The following FRMPD1 variants were observed in gnomAD, a reference collection of about 807,000 sequenced individuals.
FRMPD1 encodes FERM and PDZ domain containing 1, also known as FERM and PDZ domain-containing protein 1.
In FRMPD1, 76 loss-of-function variants were observed where a neutral mutation model predicts 117.8. That is an observed-to-expected ratio of 0.65 (90% CI 0.54 to 0.78). FRMPD1 has a LOEUF of 0.78. Ranked by LOEUF, FRMPD1 falls within the 30% of genes least tolerant of loss-of-function variation. The probability of loss-of-function intolerance (pLI) is 0.00; values close to 1 mark genes in which losing one functional copy is unlikely to be tolerated. For missense variants in FRMPD1, 1,786 were observed against 1,964.5 expected (o/e 0.91, Z 1.72); for synonymous variants, 783 against 770.4 (o/e 1.02, Z -0.27).
At chr9:37,619,159 G>A in the FRMPD1 span, among the ~76,000 whole-genome samples, 5 of 152,122 alleles carry the variant, frequency 3.3e-5, no homozygotes, top group African/African-American at 9.7e-5. Flanking sequence ...GTTGGAGTGC[G>A]GATGAAATTT....
chr9:37,621,496 G>T, the FRMPD1 span, among the ~76,000 whole-genome samples: 33 of 152,298 alleles, frequency 2.2e-4, 1 homozygote, highest in African/African-American at 7.7e-4. Context: ...TAAGGAAGGG[G>T]TGTGTGGGTG....
chr9:37,654,678 G>A (rs950600273), intron 1 of FRMPD1, among the ~76,000 whole-genome samples: 1 of 152,230 alleles, frequency 6.6e-6, no homozygotes, highest in African/African-American at 2.4e-5. Flanking sequence ...GGAGGAAACT[G>A]TTCCAGGCTG....
In FRMPD1 at chr9:37,740,794, C is replaced by T. The variant is rs1201244335; in HGVS notation, c.2266C>T (p.Leu756=). ...CAGTTCCATGCTGGAACCCCTGGCC[C>T]TGCACCCACCACTGGCCTTTGAGGA... is the stretch of plus-strand genomic sequence containing the variant. ...QPSSMLEPLA[L]HPPLAFEDGS... Residue 756 remains leucine (L), a synonymous_variant, in exon 15 of 16, where the codon CTG becomes TTG. Transcript: ENST00000377765. This position sits in a 1 kb window ranked among gnomAD's most constrained non-coding sequence, Gnocchi z 4.2. 2 of 1,614,164 alleles carry T rather than the reference C, an allele frequency of 1.2e-6. No individual in the cohort carries two copies. Among genetic ancestry groups the T allele is most frequent in the South Asian group, 2.2e-5 (2 of 91,084 alleles).
Position 37,740,605 on chromosome 9 carries a change from A to G in FRMPD1, c.2077A>G (p.Arg693Gly), listed in dbSNP as rs1824350927. The G allele has an allele frequency of 2.5e-6, 4 of 1,614,080 alleles. No individual in the cohort carries two copies. The highest frequency in any genetic ancestry group is 3.4e-6 in the Non-Finnish European group (4 of 1,180,020). Residue 693 changes from arginine to glycine, a missense_variant, in exon 15 of 16, where the codon AGG becomes GGG. Physicochemically the swap from Arg to Gly is moderately radical, Grantham distance 125. Transcript: ENST00000377765. The surrounding 1 kb of genome is among the most constrained non-coding windows in gnomAD (Gnocchi z 4.2). ...FGWAPELSTV[R>G]LDPRLYEGSH... ...CTGGGCACCAGAACTGAGCACAGTC[A>G]GGCTGGACCCCAGGCTGTATGAAGG...
intron 1 of FRMPD1, among the ~76,000 whole-genome samples, chr9:37,680,615 G>A (rs951773773): frequency 1.3e-5 from 2 of 152,250 alleles, no homozygotes; most frequent in Non-Finnish European, 2.9e-5. Context: ...GGGGTCCAGG[G>A]TGCTTTCCCA....
intron 1 of FRMPD1, among the ~76,000 whole-genome samples, chr9:37,669,575 T>C (rs948630759): frequency 6.6e-6 from 1 of 152,204 alleles, no homozygotes; most frequent in African/African-American, 2.4e-5. Context: ...GAGTTTTCTT[T>C]ACCGAAGAGA....
At chr9:37,725,956 G>A (rs540361215) in intron 7 of FRMPD1, among the ~76,000 whole-genome samples, 2 of 152,312 alleles carry the variant, frequency 1.3e-5, no homozygotes, top group African/African-American at 4.8e-5. Flanking sequence ...AAAGTGGATT[G>A]GAATAGAAGG....
At chr9:37,708,343 C>T (rs1183577685) in intron 3 of FRMPD1, 56 bp from the exon 4 acceptor site, 1 of 1,058,954 alleles carries the variant, frequency 9.4e-7, no homozygotes, top group Non-Finnish European at 1.5e-6. Flanking sequence ...CGCTATTACA[C>T]ATAGAGTCTG....
intron 2 of FRMPD1, among the ~76,000 whole-genome samples, chr9:37,695,849 T>C (rs1025718871): frequency 6.6e-6 from 1 of 152,136 alleles, no homozygotes; most frequent in Non-Finnish European, 1.5e-5. Context: ...GATTCTCTAC[T>C]CTGCAGCTAT....
chr9:37,623,250 A>G, the FRMPD1 span, among the ~76,000 whole-genome samples: 6 of 152,204 alleles, frequency 3.9e-5, no homozygotes, highest in African/African-American at 1.4e-4. Context: ...GGGTACCACC[A>G]TGAACGAGAC....
At chr9:37,685,606 CTT>C (rs1821907796) in intron 1 of FRMPD1, among the ~76,000 whole-genome samples, 3 of 151,926 alleles carry the variant, frequency 2.0e-5, no homozygotes, top group Non-Finnish European at 1.5e-5. Context: ...GAGCCGAGAT[CTT>C]GCCACTGCAC....
At chr9:37,710,890 G>A (rs1308721610) in intron 4 of FRMPD1, among the ~76,000 whole-genome samples, 3 of 151,226 alleles carry the variant, frequency 2.0e-5, no homozygotes, top group South Asian at 2.1e-4. Context: ...CCCGGGAGGC[G>A]GAGGTTGCAG....
In FRMPD1 at chr9:37,732,321, C is replaced by T. The variant is rs374153922; in HGVS notation, c.876C>T (p.Leu292=). 5.0e-5 allele frequency: 80 copies of T among 1,613,594 alleles called. No homozygotes were observed. Among genetic ancestry groups the T allele is most frequent in the Non-Finnish European group, 6.3e-5 (74 of 1,179,994 alleles). ...YLYLQSCSDV[L]QERFAVEMKC... ...TCTTCTAGAGCTGCAGCGATGTGCT[C>T]CAGGAGCGCTTTGCTGTAGAAATGA... Residue 292 remains leucine (L), a synonymous_variant, in exon 10 of 16, where the codon CTC becomes CTT. Transcript: ENST00000377765.
the FRMPD1 span, among the ~76,000 whole-genome samples, chr9:37,640,725 A>G: frequency 6.6e-6 from 1 of 152,200 alleles, no homozygotes; most frequent in East Asian, 1.9e-4. Context: ...AAAAAAAATT[A>G]TGTTTTAACA....
the FRMPD1 span, among the ~76,000 whole-genome samples, chr9:37,618,631 C>G: frequency 6.6e-6 from 1 of 152,174 alleles, no homozygotes; most frequent in Admixed American, 6.5e-5. Flanking sequence ...ATTAACCTTT[C>G]CAGGTTTTTT....
intron 12 of FRMPD1, among the ~76,000 whole-genome samples, chr9:37,735,305 G>C (rs1017518514): frequency 6.6e-6 from 1 of 152,142 alleles, no homozygotes; most frequent in Non-Finnish European, 1.5e-5. Flanking sequence ...TAGGTACATA[G>C]GTGTGAAAAT....
chr9:37,744,064 C>T (rs545814546), intron 15 of FRMPD1, among the ~76,000 whole-genome samples: 23 of 152,044 alleles, frequency 1.5e-4, no homozygotes, highest in African/African-American at 3.6e-4. Flanking sequence ...TGGCAGATGC[C>T]TGTAATCTCA....
chr9:37,614,623 G>C, the FRMPD1 span, among the ~76,000 whole-genome samples: 2 of 152,216 alleles, frequency 1.3e-5, no homozygotes, highest in Non-Finnish European at 2.9e-5. Flanking sequence ...CTGAGGTTCG[G>C]AAGTCTAATT....
chr9:37,637,027 G>C, the FRMPD1 span: 1 of 1,547,700 alleles, frequency 6.5e-7, no homozygotes, highest in Non-Finnish European at 8.9e-7. Flanking sequence ...GGTCAGTGAC[G>C]TCATATACCA....
Sources: allele counts gnomAD v4.1 joint callset (sites outside exome capture counted in the v4.1 genomes callset), GRCh38; gene constraint gnomAD v4.1.1; non-coding constraint Gnocchi (gnomAD v3.1); transcripts MANE v1.5; gene names NCBI Gene and HGNC (gene_info 2026-07-23, HGNC 2026-07-21).